The following CPNE8 variants were observed in gnomAD, a reference collection of about 807,000 sequenced individuals.
CPNE8 encodes the protein copine-8.
Under a neutral mutation model 81.5 loss-of-function variants are expected in CPNE8, and 45 were observed. That is an observed-to-expected ratio of 0.55 (90% CI 0.44 to 0.71). CPNE8 has a LOEUF of 0.71. Among genes scored for constraint, CPNE8 ranks in the 30% least tolerant of loss-of-function variants. The pLI is 0.00. For synonymous variants in CPNE8, 252 were observed against 226.3 expected (o/e 1.11, Z -1.02); for missense variants, 594 against 672.1 (o/e 0.88, Z 1.28).
chr12:38,707,425 C>T (rs1940134514), intron 13 of CPNE8, among the ~76,000 whole-genome samples: 1 of 151,094 alleles, frequency 6.6e-6, no homozygotes, highest in Non-Finnish European at 1.5e-5. Flanking sequence ...AAACAATGAA[C>T]TGTAGAAAAG....
chr12:38,848,793 T>TA, intron 3 of CPNE8, 131 bp from the exon 4 acceptor site: 1 of 1,164,254 alleles, frequency 8.6e-7, no homozygotes, highest in Non-Finnish European at 1.1e-6. Context: ...TTTTTAGCGA[T>TA]AAAATCACCT....
intron 13 of CPNE8, among the ~76,000 whole-genome samples, chr12:38,708,368 T>C (rs1940165742): frequency 7.8e-6 from 1 of 128,950 alleles, no homozygotes; most frequent in Non-Finnish European, 1.8e-5. Flanking sequence ...AAATCAATCG[T>C]GTCAAAGTAA....
At chr12:38,799,999 G>A (rs1942617217) in intron 6 of CPNE8, among the ~76,000 whole-genome samples, 1 of 145,228 alleles carries the variant, frequency 6.9e-6, no homozygotes, top group South Asian at 2.3e-4. Flanking sequence ...CTGGCTCAGA[G>A]GGTCCTACGC....
chr12:38,724,995 CCTT>C, intron 11 of CPNE8, 96 bp from the exon 12 acceptor site: 2 of 1,044,408 alleles, frequency 1.9e-6, no homozygotes, highest in Non-Finnish European at 2.9e-6. Flanking sequence ...TGCTGCCTTC[CCTT>C]CTTATGCATG....
chr12:38,788,481 A>G (rs1942248865), intron 6 of CPNE8, among the ~76,000 whole-genome samples: 1 of 152,022 alleles, frequency 6.6e-6, no homozygotes, highest in South Asian at 2.1e-4. Context: ...GCCATTTATG[A>G]TAGACCCACA....
intron 1 of CPNE8, among the ~76,000 whole-genome samples, chr12:38,889,543 A>T (rs1003071366): frequency 6.6e-6 from 1 of 152,112 alleles, no homozygotes; most frequent in Non-Finnish European, 1.5e-5. Context: ...TGAGGCTGAA[A>T]ATTTAAGTCA....
intron 14 of CPNE8, among the ~76,000 whole-genome samples, chr12:38,700,428 G>A (rs771777316): frequency 6.6e-5 from 10 of 151,644 alleles, no homozygotes; most frequent in Non-Finnish European, 1.0e-4. Flanking sequence ...TAGTAGAGAC[G>A]GGGTTTCACC....
intron 3 of CPNE8, among the ~76,000 whole-genome samples, chr12:38,862,078 A>G (rs1264227726): frequency 6.6e-5 from 10 of 152,136 alleles, no homozygotes; most frequent in Non-Finnish European, 1.2e-4. Flanking sequence ...AGTTTTTACA[A>G]CCACCAATAG....
At position 38,723,835 on chromosome 12, in the gene CPNE8, T is replaced by C; in HGVS notation, c.853-2A>G. The C allele has an allele frequency of 5.8e-6, 9 of 1,559,566 alleles. No individual in the cohort carries two copies. The highest frequency in any genetic ancestry group is 7.1e-6 in the Non-Finnish European group (8 of 1,133,874). ...TACCAAGAAAGAGAGTAAAGTTACCTGAAAAAGAAAAAGACAGAATTACCT... is the reference window on the plus strand; with the variant it reads ...TACCAAGAAAGAGAGTAAAGTTACCCGAAAAAGAAAAAGACAGAATTACCT... On this transcript the variant is annotated splice_acceptor_variant, in intron 12 of 19. Transcript: ENST00000331366. LOFTEE classifies it high-confidence loss of function.
intron 6 of CPNE8, among the ~76,000 whole-genome samples, chr12:38,778,352 G>C (rs998307230): frequency 4.6e-5 from 7 of 152,138 alleles, no homozygotes; most frequent in Non-Finnish European, 7.3e-5. Flanking sequence ...CTGTTGCTAA[G>C]TAGTGCATGA....
At chr12:38,851,903 A>G (rs1036836251) in intron 3 of CPNE8, among the ~76,000 whole-genome samples, 1 of 151,964 alleles carries the variant, frequency 6.6e-6, no homozygotes, top group African/African-American at 2.4e-5. Flanking sequence ...GCCCTTTTAC[A>G]CACCAAACCC....
intron 10 of CPNE8, among the ~76,000 whole-genome samples, chr12:38,753,145 G>A (rs1283464978): frequency 1.3e-5 from 2 of 152,146 alleles, no homozygotes; most frequent in African/African-American, 4.8e-5. Flanking sequence ...AGGACTGAGT[G>A]TTGATATAGA....
chr12:38,884,444 G>C (rs1311268563), intron 1 of CPNE8, among the ~76,000 whole-genome samples: 6 of 152,118 alleles, frequency 3.9e-5, no homozygotes. Context: ...TCGATTCATA[G>C]ATATTTGGGT....
intron 3 of CPNE8, among the ~76,000 whole-genome samples, chr12:38,849,096 T>C (rs1376787006): frequency 6.6e-6 from 1 of 152,182 alleles, no homozygotes; most frequent in East Asian, 1.9e-4. Context: ...CCATATACAA[T>C]GCCGTTTATT....
chr12:38,771,686 T>C, intron 7 of CPNE8, among the ~76,000 whole-genome samples: 1 of 152,174 alleles, frequency 6.6e-6, no homozygotes, highest in East Asian at 1.9e-4. Flanking sequence ...AGAGTATCCA[T>C]CTAAAGGAAG....
At chr12:38,797,262 C>T (rs1010621208) in intron 6 of CPNE8, among the ~76,000 whole-genome samples, 2 of 152,162 alleles carry the variant, frequency 1.3e-5, no homozygotes, top group South Asian at 4.1e-4. Context: ...CGTCCCTGAC[C>T]CCTGACCCCC....
chr12:38,729,749 C>T (rs1168018921), intron 11 of CPNE8, among the ~76,000 whole-genome samples: 1 of 152,046 alleles, frequency 6.6e-6, no homozygotes, highest in South Asian at 2.1e-4. Context: ...ACTATATGCT[C>T]AATACATATT....
At chr12:38,864,781 G>C (rs1565653641) in intron 3 of CPNE8, among the ~76,000 whole-genome samples, 1 of 152,096 alleles carries the variant, frequency 6.6e-6, no homozygotes, top group Non-Finnish European at 1.5e-5. Context: ...ATGGCCTTCA[G>C]AGAAGAAGAT....
At chr12:38,787,121 G>A (rs1942211235) in intron 6 of CPNE8, among the ~76,000 whole-genome samples, 1 of 152,054 alleles carries the variant, frequency 6.6e-6, no homozygotes. Flanking sequence ...TAGACATATA[G>A]AGAACCTTTT....
Sources: allele counts gnomAD v4.1 joint callset (sites outside exome capture counted in the v4.1 genomes callset), GRCh38; gene constraint gnomAD v4.1.1; transcripts MANE v1.5; gene names NCBI Gene and HGNC (gene_info 2026-07-23, HGNC 2026-07-21).